ATRIP: variants seen among roughly 807,000 people sequenced by gnomAD.
ATRIP encodes the protein ATR-interacting protein.
In ATRIP, 44 loss-of-function variants were observed where a neutral mutation model predicts 78.1. That is an observed-to-expected ratio of 0.56 (90% confidence interval 0.44 to 0.72). The LOEUF is 0.72. Ranked by LOEUF, ATRIP falls within the 30% of genes least tolerant of loss-of-function variation. The probability of loss-of-function intolerance (pLI) is 0.00; values close to 1 mark genes in which losing one functional copy is unlikely to be tolerated. For synonymous variants in ATRIP, 388 were observed against 408.9 expected (o/e 0.95, Z 0.62); for missense variants, 927 against 980.2 (o/e 0.95, Z 0.72).
intron 3 of ATRIP, 22 bp downstream of exon 3, chr3:48,451,921 G>A (rs371656741): frequency 1.6e-5 from 25 of 1,578,770 alleles, no homozygotes; most frequent in Non-Finnish European, 2.1e-5. Context: ...CATTTGTTTT[G>A]CACCAGCTTT....
In ATRIP at chr3:48,463,873, C is replaced by T; in HGVS notation, c.1874C>T (p.Ser625Phe). Residue 625 changes from serine to phenylalanine, a missense_variant, in exon 9 of 13, where the codon TCC (serine) becomes TTC (phenylalanine). Physicochemically the swap from Ser to Phe is radical, Grantham distance 155. Coordinates refer to ENST00000320211, the MANE Select transcript of ATRIP (RefSeq NM_130384.3). ...GACCAGCTGGCACCTCAGCTCTGTT[C>T]CCACTCAGGTAAAGCAGGGTGGGGC... ...DHDQLAPQLC[S>F]HSEGCLLLLL... The T allele has an allele frequency of 1.2e-6, 2 of 1,614,130 alleles. No individual in the cohort carries two copies. The highest frequency in any genetic ancestry group is 1.7e-6 in the Non-Finnish European group (2 of 1,180,036).
intron 10 of ATRIP, 56 bp from the exon 11 acceptor site, chr3:48,464,526 C>G: frequency 6.4e-7 from 1 of 1,557,716 alleles, no homozygotes; most frequent in Non-Finnish European, 8.9e-7. Flanking sequence ...TAAGAAAACC[C>G]TCGCAGGGAC....
intron 5 of ATRIP, among the ~76,000 whole-genome samples, chr3:48,458,859 A>C (rs912654580): frequency 6.6e-6 from 1 of 152,200 alleles, no homozygotes; most frequent in African/African-American, 2.4e-5. Flanking sequence ...TAGCAGCTAA[A>C]GGGGCAGTGT....
At chr3:48,447,726 G>T (rs1173768276) in intron 1 of ATRIP, among the ~76,000 whole-genome samples, 1 of 152,050 alleles carries the variant, frequency 6.6e-6, no homozygotes, top group Non-Finnish European at 1.5e-5. Flanking sequence ...TCTGTACTTG[G>T]GTGTCTCAAG....
intron 2 of ATRIP, 39 bp from the exon 3 acceptor site, chr3:48,451,690 T>G: frequency 6.5e-7 from 1 of 1,544,368 alleles, no homozygotes. Flanking sequence ...AGTAGTTTTC[T>G]CTTACAAAGT....
chr3:48,451,622 G>A (rs1357224186), intron 2 of ATRIP, 107 bp from the exon 3 acceptor site: 1 of 927,370 alleles, frequency 1.1e-6, no homozygotes, highest in African/African-American at 1.7e-5. Flanking sequence ...GTACTCATTT[G>A]TCTGTTTTTC....
chr3:48,459,675 G>C, intron 6 of ATRIP, 112 bp from the exon 7 acceptor site: 6 of 1,437,142 alleles, frequency 4.2e-6, no homozygotes, highest in Non-Finnish European at 4.7e-6. Flanking sequence ...CTGGGGCTTA[G>C]TGGCAGCCTA....
chr3:48,464,168 C>T (rs2040200647), intron 10 of ATRIP, 36 bp downstream of exon 10: 1 of 1,511,784 alleles, frequency 6.6e-7, no homozygotes, highest in Non-Finnish European at 9.2e-7. Flanking sequence ...ACACTGTCCC[C>T]ACCCCATCCT....
intron 1 of ATRIP, among the ~76,000 whole-genome samples, chr3:48,449,148 T>C (rs1449946093): frequency 6.6e-6 from 1 of 152,162 alleles, no homozygotes; most frequent in African/African-American, 2.4e-5. Context: ...GTGTGGTGGC[T>C]CACGCCTGTA....
At chr3:48,451,936 G>T (rs2039847353) in intron 3 of ATRIP, 37 bp downstream of exon 3, 9 of 1,555,586 alleles carry the variant, frequency 5.8e-6, no homozygotes, top group Non-Finnish European at 7.0e-6. Context: ...AGCTTTGCCT[G>T]CCCACTGAGT....
At chr3:48,448,677 CAT>C (rs1299749298) in intron 1 of ATRIP, among the ~76,000 whole-genome samples, 1 of 152,220 alleles carries the variant, frequency 6.6e-6, no homozygotes, top group Admixed American at 6.5e-5. Context: ...TTTCTTTGTA[CAT>C]TGAGTATACT....
chr3:48,448,387 C>A (rs1472647868), intron 1 of ATRIP, among the ~76,000 whole-genome samples: 1 of 152,182 alleles, frequency 6.6e-6, no homozygotes, highest in Non-Finnish European at 1.5e-5. Flanking sequence ...GCCATGTTGG[C>A]CAGGCTGGTC....
intron 3 of ATRIP, among the ~76,000 whole-genome samples, chr3:48,453,365 G>A (rs1012812988): frequency 2.0e-5 from 3 of 152,114 alleles, no homozygotes; most frequent in Non-Finnish European, 4.4e-5. Flanking sequence ...ATCATTAACC[G>A]CAATAGTTAA....
intron 5 of ATRIP, among the ~76,000 whole-genome samples, chr3:48,457,822 C>T (rs555999773): frequency 6.6e-6 from 1 of 152,288 alleles, no homozygotes; most frequent in African/African-American, 2.4e-5. Flanking sequence ...GTCTGGGCGT[C>T]ATTCAAGGGG....
In ATRIP at chr3:48,465,013, TCAGTTTGAC is replaced by T; in HGVS notation, c.2242_2250del (p.Phe748_Gln750del). On this transcript the variant is annotated inframe_deletion, in exon 12 of 13. Coordinates refer to ENST00000320211, the MANE Select transcript of ATRIP (RefSeq NM_130384.3). ...TGATGCACTGCGTGGAGGTCCTGCA[TCAGTTTGAC>T]CAGGTGATGCCGGGGGTCAGCATGC... 1.2e-6 allele frequency: 2 copies of T among 1,614,026 alleles called. No homozygotes were observed. The highest frequency in any genetic ancestry group is 1.7e-6 in the Non-Finnish European group (2 of 1,180,022).
chr3:48,467,138 C>T lies in ATRIP; in HGVS notation c.*1584C>T. The T allele has an allele frequency of 6.2e-7, 1 of 1,613,998 alleles. No homozygotes were observed. Among genetic ancestry groups the T allele is most frequent in the Non-Finnish European group, 8.5e-7 (1 of 1,180,024 alleles). On this transcript the variant is annotated 3_prime_UTR_variant, in exon 13 of 13. Transcript: ENST00000320211. ...TGGATAGCATCACTGCGCTGAAGGC[C>T]CTGGAGCGAGCAAGCAGCCCCTCAG...
At chr3:48,449,561 G>A (rs1399681561) in intron 1 of ATRIP, among the ~76,000 whole-genome samples, 17 of 151,810 alleles carry the variant, frequency 1.1e-4, no homozygotes, top group African/African-American at 4.1e-4. Flanking sequence ...AAGGCAGGAG[G>A]ATTGCTTAAG....
In ATRIP at chr3:48,464,647, C is replaced by T; in HGVS notation, c.2040C>T (p.Cys680=). 2 of 1,614,186 alleles carry T rather than the reference C, an allele frequency of 1.2e-6. No homozygotes were observed. Among genetic ancestry groups the T allele is most frequent in the Non-Finnish European group, 1.7e-6 (2 of 1,180,026 alleles). ...SPLPPVTGSN[C]QCNVEVVRAL... is the part of the protein sequence containing the mutation. Reference sequence around the variant, plus strand: ...TGCCCCCAGTCACTGGCTCCAACTGCCAGTGTAATGTGGAGGTGAGTGGGT... The same window carrying T: ...TGCCCCCAGTCACTGGCTCCAACTGTCAGTGTAATGTGGAGGTGAGTGGGT... The change falls in exon 11 of 13, where the codon TGC becomes TGT. Residue 680 remains cysteine, a synonymous_variant. Transcript: ENST00000320211.
chr3:48,463,964 G>A, intron 9 of ATRIP, 77 bp from the exon 10 acceptor site: 1 of 1,605,656 alleles, frequency 6.2e-7, no homozygotes, highest in South Asian at 1.1e-5. Context: ...AAGGGCCTCA[G>A]AGGGCTTCTG....
Sources: allele counts gnomAD v4.1 joint callset (sites outside exome capture counted in the v4.1 genomes callset), GRCh38; gene constraint gnomAD v4.1.1; transcripts MANE v1.5; gene names NCBI Gene and HGNC (gene_info 2026-07-23, HGNC 2026-07-21).